The following SLC35F1 variants were observed in gnomAD, a reference collection of about 807,000 sequenced individuals.
SLC35F1 encodes the protein chromosome 6 open reading frame 169.
Under a neutral mutation model 48.7 loss-of-function variants are expected in SLC35F1, and 14 were observed. That is an observed-to-expected ratio of 0.29 (90% CI 0.19 to 0.45). The LOEUF (loss-of-function observed/expected upper bound fraction) is 0.45. Ranked by LOEUF, SLC35F1 falls within the 20% of genes least tolerant of loss-of-function variation. The pLI is 1.00. For missense variants in SLC35F1, 404 were observed against 500.0 expected, an observed-to-expected ratio of 0.81 and a Z score of 1.83; for synonymous variants, 190 against 202.2, an observed-to-expected ratio of 0.94 and a Z score of 0.51.
intron 1 of SLC35F1, among the ~76,000 whole-genome samples, chr6:118,115,311 G>A (rs550166925): frequency 6.6e-6 from 1 of 152,282 alleles, no homozygotes; most frequent in African/African-American, 2.4e-5. Flanking sequence ...CCACATAGCA[G>A]GCATGCACAG....
intron 1 of SLC35F1, among the ~76,000 whole-genome samples, chr6:117,920,134 C>A (rs894371029): frequency 1.1e-4 from 17 of 152,304 alleles, no homozygotes; most frequent in Non-Finnish European, 2.4e-4. Context: ...TGCTGCAGGC[C>A]GGGGAAACAC....
chr6:118,232,591 G>C (rs891090752), intron 2 of SLC35F1, among the ~76,000 whole-genome samples: 3 of 150,660 alleles, frequency 2.0e-5, no homozygotes, highest in African/African-American at 7.4e-5. Context: ...GCACACAGCA[G>C]GAAAACCTAG....
intron 1 of SLC35F1, chr6:117,999,258 G>A (rs541342839): frequency 4.6e-5 from 74 of 1,595,856 alleles, no homozygotes; most frequent in East Asian, 3.1e-4. Context: ...AAGCTCGATC[G>A]ACATGCCTAC....
chr6:117,961,235 T>C (rs1328255859), intron 1 of SLC35F1, among the ~76,000 whole-genome samples: 1 of 152,172 alleles, frequency 6.6e-6, no homozygotes, highest in African/African-American at 2.4e-5. Context: ...TCGCCATGAA[T>C]GGATAACTGA....
chr6:118,006,024 C>G (rs890926699), intron 1 of SLC35F1, among the ~76,000 whole-genome samples: 1 of 152,108 alleles, frequency 6.6e-6, no homozygotes, highest in Admixed American at 6.6e-5. Context: ...ATTATAATTA[C>G]AATTGATTTA....
intron 4 of SLC35F1, among the ~76,000 whole-genome samples, chr6:118,273,049 A>T (rs929392747): frequency 1.3e-5 from 2 of 149,506 alleles, no homozygotes; most frequent in Admixed American, 6.6e-5. Flanking sequence ...AAATATAATT[A>T]TCAGCAAATT....
At chr6:118,262,575 G>A (rs892249818) in intron 3 of SLC35F1, among the ~76,000 whole-genome samples, 2 of 152,106 alleles carry the variant, frequency 1.3e-5, no homozygotes, top group South Asian at 2.1e-4. Context: ...CTTGAACTCC[G>A]ATCTAGCAGT....
At chr6:117,962,186 T>C (rs750853311) in intron 1 of SLC35F1, among the ~76,000 whole-genome samples, 2 of 152,170 alleles carry the variant, frequency 1.3e-5, no homozygotes, top group South Asian at 2.1e-4. Context: ...GATATAACCA[T>C]ATACAAGAGG....
At chr6:118,014,628 G>A (rs971261934) in intron 1 of SLC35F1, among the ~76,000 whole-genome samples, 1 of 152,112 alleles carries the variant, frequency 6.6e-6, no homozygotes, top group Admixed American at 6.5e-5. Context: ...GATTTCTCAG[G>A]AGCTGTGGAG....
chr6:118,170,879 C>T (rs1429511663), intron 2 of SLC35F1, among the ~76,000 whole-genome samples: 1 of 152,090 alleles, frequency 6.6e-6, no homozygotes, highest in Non-Finnish European at 1.5e-5. Flanking sequence ...GTCTCATCTA[C>T]CATAAATCCC....
chr6:118,220,767 A>G (rs183045526), intron 2 of SLC35F1, among the ~76,000 whole-genome samples: 2 of 152,344 alleles, frequency 1.3e-5, no homozygotes, highest in East Asian at 1.9e-4. Context: ...TGATGTAGTC[A>G]AGAAGTAAAT....
intron 1 of SLC35F1, among the ~76,000 whole-genome samples, chr6:118,028,478 T>C (rs1771989782): frequency 6.6e-6 from 1 of 152,056 alleles, no homozygotes; most frequent in South Asian, 2.1e-4. Context: ...TTGAAAGGTG[T>C]AGCTTGAATA....
chr6:118,041,579 C>T (rs1046718200), intron 1 of SLC35F1, among the ~76,000 whole-genome samples: 2 of 152,040 alleles, frequency 1.3e-5, no homozygotes, highest in Admixed American at 1.3e-4. Flanking sequence ...AAGTAAACAT[C>T]AAAATGCAAT....
At chr6:118,305,093 T>TGTGTGTGTGTGTG (rs759051660) in intron 7 of SLC35F1, among the ~76,000 whole-genome samples, 2 of 133,522 alleles carry the variant, frequency 1.5e-5, no homozygotes, top group Non-Finnish European at 3.2e-5. Context: ...TGTGTGTGTG[T>TGTGTGTGTGTGTG]TCAGAGAGAA....
intron 1 of SLC35F1, among the ~76,000 whole-genome samples, chr6:117,936,132 A>G (rs1244240586): frequency 6.6e-6 from 1 of 152,096 alleles, no homozygotes; most frequent in South Asian, 2.1e-4. Context: ...TGTAAATAAC[A>G]TTTCTGCTTA....
intron 1 of SLC35F1, among the ~76,000 whole-genome samples, chr6:117,972,095 G>C (rs1045990769): frequency 6.6e-6 from 1 of 152,168 alleles, no homozygotes; most frequent in Admixed American, 6.5e-5. Flanking sequence ...TTGCTGCTTA[G>C]AAATTTCTTC....
At chr6:117,955,860 G>T (rs912642914) in intron 1 of SLC35F1, among the ~76,000 whole-genome samples, 2 of 152,180 alleles carry the variant, frequency 1.3e-5, no homozygotes, top group East Asian at 3.9e-4. Context: ...CTGCCTGAGG[G>T]TAGTCTAATG....
intron 1 of SLC35F1, among the ~76,000 whole-genome samples, chr6:118,134,745 G>A (rs1314780051): frequency 6.6e-6 from 1 of 152,144 alleles, no homozygotes; most frequent in African/African-American, 2.4e-5. Flanking sequence ...TGAAAGAAAA[G>A]CCCTCCAAGA....
intron 1 of SLC35F1, among the ~76,000 whole-genome samples, chr6:117,982,540 G>A (rs1776793898): frequency 6.6e-6 from 1 of 152,220 alleles, no homozygotes; most frequent in Non-Finnish European, 1.5e-5. Flanking sequence ...CAGAACATTA[G>A]CAGTGGTGAA....
Sources: gnomAD v4.1 joint callset for allele counts (sites outside exome capture counted in the v4.1 genomes callset) on GRCh38, gnomAD v4.1.1 for gene constraint, MANE v1.5 for transcripts, NCBI Gene and HGNC (gene_info 2026-07-23, HGNC 2026-07-21) for gene names.